Variants in GTPBP1 observed in about 807,000 individuals in gnomAD.
The protein encoded by GTPBP1 is GTP-binding protein 1.
GTPBP1 carries 23 observed loss-of-function variants against 62.0 expected under a neutral mutation model. That is an observed-to-expected ratio of 0.37 (90% CI 0.27 to 0.53). The LOEUF (loss-of-function observed/expected upper bound fraction) is 0.53. Ranked by LOEUF, GTPBP1 falls within the 20% of genes least tolerant of loss-of-function variation. The pLI is 0.89. For synonymous variants in GTPBP1, 344 were observed against 364.4 expected (o/e 0.94, Z 0.64); for missense variants, 640 against 917.3 (o/e 0.70, Z 3.90).
intron 6 of GTPBP1, among the ~76,000 whole-genome samples, chr22:38,724,752 T>C (rs2092718459): frequency 6.6e-6 from 1 of 152,172 alleles, no homozygotes; most frequent in African/African-American, 2.4e-5. Flanking sequence ...GGAAATGAAG[T>C]ATGTAGAGCA....
intron 5 of GTPBP1, chr22:38,723,461 CG>C: frequency 9.5e-7 from 1 of 1,052,702 alleles, no homozygotes; most frequent in Non-Finnish European, 1.4e-6. Context: ...ACTCACATGT[CG>C]GGCAGCCGAT....
In GTPBP1 at chr22:38,730,544, A is replaced by G; in HGVS notation, c.1918-68A>G. On this transcript the variant is annotated intron_variant, in intron 11 of 11. Transcript: ENST00000216044. The surrounding 1 kb of genome is among the most constrained non-coding windows in gnomAD (Gnocchi z 5.6). ...TTCCGTCCCTGTCTCCCCGCTGCTC[A>G]GCACCTCTGCTCTCTGGCCCTGCTC... 9.3e-7 allele frequency: 1 copy of G among 1,076,832 alleles called. No individual in the cohort carries two copies. Among genetic ancestry groups the G allele is most frequent in the East Asian group, 2.4e-5 (1 of 42,296 alleles). The allele number at this position is 1,076,832 out of a possible 1,614,324, so 66.7% of individuals were successfully genotyped here. A position where few individuals can be genotyped will look rare whatever the true frequency, so the allele number is the denominator to read the frequency against.
downstream of GTPBP1, among the ~76,000 whole-genome samples, chr22:38,741,843 T>C (rs1234696917): frequency 2.6e-5 from 4 of 152,160 alleles, no homozygotes; most frequent in African/African-American, 9.7e-5. Context: ...AAACTGAGGC[T>C]TAGAGAAGGT....
intron 2 of GTPBP1, among the ~76,000 whole-genome samples, chr22:38,713,124 G>A (rs1340931377): frequency 2.6e-5 from 4 of 152,130 alleles, no homozygotes; most frequent in East Asian, 1.9e-4. Context: ...GAGGAGGTGC[G>A]CTGTTGGGCT....
chr22:38,713,712 G>A (rs921139229), intron 2 of GTPBP1, among the ~76,000 whole-genome samples: 1 of 152,202 alleles, frequency 6.6e-6, no homozygotes, highest in Non-Finnish European at 1.5e-5. Flanking sequence ...TTACCCCACT[G>A]TTAAAAGGGA....
downstream of GTPBP1, chr22:38,738,394 CTTGTGCCACAGT>C: frequency 9.1e-7 from 1 of 1,096,658 alleles, no homozygotes; most frequent in Non-Finnish European, 1.3e-6. The surrounding 1 kb of genome is among the most constrained non-coding windows in gnomAD (Gnocchi z 6.6). Context: ...ACTTCACTCT[CTTGTGCCACAGT>C]TTCTGCCTCC....
chr22:38,738,246 T>C (rs778318369), downstream of GTPBP1: 1 of 1,613,922 alleles, frequency 6.2e-7, no homozygotes, highest in Non-Finnish European at 8.5e-7. This position sits in a 1 kb window ranked among gnomAD's most constrained non-coding sequence, Gnocchi z 6.6. Context: ...CCCCTCCTGC[T>C]GCAGGTCTTC....
chr22:38,741,810 G>A (rs557481508), downstream of GTPBP1, among the ~76,000 whole-genome samples: 1 of 152,160 alleles, frequency 6.6e-6, no homozygotes, highest in Non-Finnish European at 1.5e-5. Flanking sequence ...GGGGAGACAC[G>A]ATGGCCTCCA....
In GTPBP1 at chr22:38,727,424, C is replaced by T; in HGVS notation, c.1537+76C>T. 3 of 1,373,954 alleles carry T rather than the reference C, an allele frequency of 2.2e-6. No individual in the cohort carries two copies. Among genetic ancestry groups the T allele is most frequent in the South Asian group, 1.5e-5 (1 of 65,888 alleles). 85.1% of individuals were successfully genotyped at this position (1,373,954 alleles called of 1,614,324 possible). A position where few individuals can be genotyped will look rare whatever the true frequency, so the allele number is the denominator to read the frequency against. On this transcript the variant is annotated intron_variant, in intron 9 of 11. Transcript: ENST00000216044. This position sits in a 1 kb window ranked among gnomAD's most constrained non-coding sequence, Gnocchi z 6.5. Reference sequence around the variant, plus strand: ...TCAGAAGGTGTTCCAGCAACCCAGGCCCCCTAGTTCCAGCTGCAGCTGGGT... The same window carrying T: ...TCAGAAGGTGTTCCAGCAACCCAGGTCCCCTAGTTCCAGCTGCAGCTGGGT...
At position 38,716,844 on chromosome 22, in the gene GTPBP1, C is replaced by A; in HGVS notation, c.678C>A (p.Asn226Lys). 1 of 1,614,138 alleles carries A rather than the reference C, an allele frequency of 6.2e-7. No individual in the cohort carries two copies. Among genetic ancestry groups the A allele is most frequent in the Non-Finnish European group, 8.5e-7 (1 of 1,179,968 alleles). The change falls in exon 4 of 12, where the codon AAC becomes AAA. Residue 226 changes from asparagine (N) to lysine (K), a missense_variant. This residue lies in a region of GTPBP1 where 88 missense variants were observed against 217.0 expected (regional missense o/e 0.41). Transcript: ENST00000216044. This position sits in a 1 kb window ranked among gnomAD's most constrained non-coding sequence, Gnocchi z 5.2. ...LGFDSEGNVV[N>K]KPDSHGGSLE... ...TTGACAGTGAAGGCAATGTAGTGAA[C>A]AAGCCTGACAGCCACGGCGGCAGCC...
At chr22:38,720,206 G>T (rs2092692518) in intron 4 of GTPBP1, among the ~76,000 whole-genome samples, 1 of 150,822 alleles carries the variant, frequency 6.6e-6, no homozygotes, top group Admixed American at 6.6e-5. Flanking sequence ...GGGATTACAG[G>T]TGTGAGCCAC....
At chr22:38,721,134 CA>C (rs2092698348) in intron 4 of GTPBP1, among the ~76,000 whole-genome samples, 1 of 152,202 alleles carries the variant, frequency 6.6e-6, no homozygotes, top group Non-Finnish European at 1.5e-5. Flanking sequence ...GGCTGGAGTG[CA>C]ATGGCACGAT....
rs2092730855 is a variant in GTPBP1, at chr22:38,727,136, C to CTCTT, written c.1402-76_1402-73dup. ...GGGGTGGTCCCTATCCCTAGAAAGA[C>CTCTT]TCTTGGTCCCTGGGACCAGGGGTGA... is the stretch of plus-strand genomic sequence containing the variant. On this transcript the variant is annotated intron_variant, in intron 8 of 11. Transcript: ENST00000216044. This position sits in a 1 kb window ranked among gnomAD's most constrained non-coding sequence, Gnocchi z 6.5. 7.2e-7 allele frequency: 1 copy of CTCTT among 1,394,900 alleles called. No homozygotes were observed. The highest frequency in any genetic ancestry group is 1.5e-5 in the South Asian group (1 of 68,192). The allele number at this position is 1,394,900 out of a possible 1,614,324, so 86.4% of individuals were successfully genotyped here.
chr22:38,740,401 C>T, downstream of GTPBP1: 2 of 1,567,886 alleles, frequency 1.3e-6, no homozygotes, highest in Middle Eastern at 3.4e-4. The surrounding 1 kb of genome is among the most constrained non-coding windows in gnomAD (Gnocchi z 4.8). Context: ...AGCTCCTTCA[C>T]AGAGCTCTCC....
chr22:38,709,571 A>G (rs2063863390), intron 2 of GTPBP1, among the ~76,000 whole-genome samples: 1 of 152,224 alleles, frequency 6.6e-6, no homozygotes, highest in African/African-American at 2.4e-5. Flanking sequence ...AGGGCAAGCC[A>G]TAGTTAGGTC....
At position 38,721,884 on chromosome 22, in the gene GTPBP1, TAGC is replaced by T. The variant is rs762541252; in HGVS notation, c.958+26_958+28del. The T allele has an allele frequency of 6.4e-7, 1 of 1,559,434 alleles. No homozygotes were observed. The highest frequency in any genetic ancestry group is 8.8e-7 in the Non-Finnish European group (1 of 1,140,558). On this transcript the variant is annotated intron_variant, in intron 5 of 11. Coordinates refer to ENST00000216044, the MANE Select transcript of GTPBP1 (RefSeq NM_004286.5). ...CTGCAAGGTAAGTGAAGCCTCCAGC[TAGC>T]AGCAGCCCCTCTGATTGGGGCTGTC...
chr22:38,742,159 A>G (rs2092863624), downstream of GTPBP1: 1 of 1,131,176 alleles, frequency 8.8e-7, no homozygotes, highest in African/African-American at 1.6e-5. Context: ...AAAAAAAAAA[A>G]AGAAAAAAAG....
intron 2 of GTPBP1, among the ~76,000 whole-genome samples, chr22:38,711,833 T>G (rs1319211860): frequency 1.4e-5 from 2 of 148,018 alleles, no homozygotes; most frequent in Non-Finnish European, 3.0e-5. Flanking sequence ...GAAAAACAAT[T>G]AAAAAAAAAA....
chr22:38,724,668 C>T (rs918984061), intron 6 of GTPBP1, among the ~76,000 whole-genome samples: 13 of 152,194 alleles, frequency 8.5e-5, no homozygotes, highest in African/African-American at 1.9e-4. Context: ...GTTGGCATCC[C>T]GGCTGAGACT....
Sources: allele counts gnomAD v4.1 joint callset (sites outside exome capture counted in the v4.1 genomes callset), GRCh38; gene constraint gnomAD v4.1.1; regional missense constraint gnomAD v4.1.1; non-coding constraint Gnocchi (gnomAD v3.1); transcripts MANE v1.5; gene names NCBI Gene and HGNC (gene_info 2026-07-23, HGNC 2026-07-21).